The following NBAS variants were observed in gnomAD, a reference collection of about 807,000 sequenced individuals.
NBAS encodes NAG/BC035112 fusion.
NBAS carries 219 observed loss-of-function variants against 302.5 expected under a neutral mutation model. That is an observed-to-expected ratio of 0.72 (90% CI 0.65 to 0.81). The LOEUF is 0.81. Ranked by LOEUF, NBAS falls within the 30% of genes least tolerant of loss-of-function variation. The probability of loss-of-function intolerance (pLI) is 0.00; values close to 1 mark genes in which losing one functional copy is unlikely to be tolerated. For missense variants in NBAS, 2,932 were observed against 2,841.6 expected (o/e 1.03, Z -0.72); for synonymous variants, 1,118 against 1,021.6 (o/e 1.09, Z -1.80).
At chr2:15,002,814 G>C in the NBAS span, among the ~76,000 whole-genome samples, 1 of 152,210 alleles carries the variant, frequency 6.6e-6, no homozygotes, top group African/African-American at 2.4e-5. Context: ...CGGCAGGGCG[G>C]GTCAGCTGCT....
At chr2:15,283,434 G>A (rs961652044) in intron 42 of NBAS, among the ~76,000 whole-genome samples, 1 of 152,070 alleles carries the variant, frequency 6.6e-6, no homozygotes, top group Non-Finnish European at 1.5e-5. Context: ...CTGTGCTCAC[G>A]ACAGTGAGTG....
chr2:14,882,781 A>G, the NBAS span, among the ~76,000 whole-genome samples: 4 of 152,212 alleles, frequency 2.6e-5, no homozygotes, highest in Admixed American at 2.6e-4. Context: ...CCAGAGAAAT[A>G]ATAAAGCCAT....
intron 19 of NBAS, 84 bp from the exon 20 acceptor site, chr2:15,461,875 T>C (rs1679521661): frequency 1.3e-6 from 1 of 758,832 alleles, no homozygotes; most frequent in Non-Finnish European, 2.3e-6. Context: ...CCTTTACAAC[T>C]CTGCCTGCCT....
At chr2:15,508,404 T>C (rs1377506362) in intron 10 of NBAS, among the ~76,000 whole-genome samples, 1 of 152,198 alleles carries the variant, frequency 6.6e-6, no homozygotes, top group African/African-American at 2.4e-5. Flanking sequence ...TGCCACTTGC[T>C]TGCCTACTGG....
the NBAS span, among the ~76,000 whole-genome samples, chr2:14,914,357 T>C: frequency 1.3e-5 from 2 of 152,084 alleles, no homozygotes; most frequent in African/African-American, 4.8e-5. Context: ...CACATGGGGG[T>C]TGCCCTTGGG....
At chr2:15,470,852 T>C (rs1380318650) in intron 16 of NBAS, among the ~76,000 whole-genome samples, 2 of 152,102 alleles carry the variant, frequency 1.3e-5, no homozygotes, top group Non-Finnish European at 2.9e-5. Flanking sequence ...CCCAAGCTAC[T>C]TGGGAGGCTG....
At chr2:14,783,859 T>G in the NBAS span, among the ~76,000 whole-genome samples, 1 of 151,228 alleles carries the variant, frequency 6.6e-6, no homozygotes, top group Non-Finnish European at 1.5e-5. Context: ...CTGGGTCAAA[T>G]GGTATTTCTA....
At chr2:15,374,475 G>T in intron 31 of NBAS, 133 bp downstream of exon 31, 3 of 721,224 alleles carry the variant, frequency 4.2e-6, no homozygotes, top group South Asian at 3.3e-5. Flanking sequence ...TAAAATAATG[G>T]GTCAAGGGCA....
the NBAS span, among the ~76,000 whole-genome samples, chr2:14,863,530 G>A: frequency 2.0e-5 from 3 of 152,296 alleles, no homozygotes; most frequent in East Asian, 5.8e-4. Flanking sequence ...ATGGTAGAAT[G>A]TCGTAAGGTT....
chr2:15,379,205 T>TG (rs1291283782), intron 30 of NBAS, among the ~76,000 whole-genome samples: 1 of 151,150 alleles, frequency 6.6e-6, no homozygotes, highest in Non-Finnish European at 1.5e-5. Flanking sequence ...TCTTTTTTTT[T>TG]TTCAAAAGAC....
chr2:15,522,629 G>A (rs1485632821), intron 9 of NBAS, among the ~76,000 whole-genome samples: 3 of 152,114 alleles, frequency 2.0e-5, no homozygotes, highest in Non-Finnish European at 4.4e-5. Flanking sequence ...TATAGAATAG[G>A]TAAGGGAAAA....
chr2:15,378,086 T>C (rs946473522), intron 30 of NBAS, among the ~76,000 whole-genome samples: 4 of 152,230 alleles, frequency 2.6e-5, no homozygotes, highest in Non-Finnish European at 5.9e-5. Context: ...GCCACCTTAT[T>C]ACTGAAGAGA....
At chr2:14,922,979 C>T in the NBAS span, among the ~76,000 whole-genome samples, 14 of 152,138 alleles carry the variant, frequency 9.2e-5, no homozygotes, top group East Asian at 1.4e-3. Context: ...GGTGAAACCC[C>T]GCCTCTACTA....
chr2:14,880,126 C>T, the NBAS span, among the ~76,000 whole-genome samples: 1 of 152,090 alleles, frequency 6.6e-6, no homozygotes, highest in Non-Finnish European at 1.5e-5. Flanking sequence ...AACATCTACC[C>T]CTCAAAAGAA....
the NBAS span, among the ~76,000 whole-genome samples, chr2:14,970,316 A>G: frequency 1.2e-3 from 177 of 152,312 alleles, 7 homozygotes; most frequent in South Asian, 0.033. Flanking sequence ...AACATGCTTT[A>G]TGAATCTCAT....
chr2:14,785,908 C>A, the NBAS span, among the ~76,000 whole-genome samples: 1 of 152,172 alleles, frequency 6.6e-6, no homozygotes, highest in African/African-American at 2.4e-5. Context: ...ACCAGTTCCT[C>A]CTTGTACCTC....
At chr2:14,894,143 G>T in the NBAS span, among the ~76,000 whole-genome samples, 1 of 152,118 alleles carries the variant, frequency 6.6e-6, no homozygotes, top group East Asian at 1.9e-4. Flanking sequence ...GACTTACAGA[G>T]ACTCAAAAAT....
At chr2:15,267,873 A>C (rs1191067346) in intron 44 of NBAS, among the ~76,000 whole-genome samples, 1 of 152,122 alleles carries the variant, frequency 6.6e-6, no homozygotes, top group African/African-American at 2.4e-5. Context: ...TTTGACAAAT[A>C]TTTTTCAATA....
At chr2:14,924,317 G>A in the NBAS span, among the ~76,000 whole-genome samples, 1 of 152,198 alleles carries the variant, frequency 6.6e-6, no homozygotes, top group Admixed American at 6.5e-5. Context: ...AATATGTAAT[G>A]GACTAGTTGG....
Sources: gnomAD v4.1 joint callset for allele counts (sites outside exome capture counted in the v4.1 genomes callset) on GRCh38, gnomAD v4.1.1 for gene constraint, MANE v1.5 for transcripts, NCBI Gene and HGNC (gene_info 2026-07-23, HGNC 2026-07-21) for gene names.